MGMT: variants seen among roughly 807,000 people sequenced by gnomAD.
The protein encoded by MGMT is methylated-DNA--protein-cysteine methyltransferase.
In MGMT, 14 loss-of-function variants were observed where a neutral mutation model predicts 15.9. The observed-to-expected ratio is 0.88, with a 90% CI of 0.58 to 1.37. The LOEUF (loss-of-function observed/expected upper bound fraction) is 1.37. MGMT is among the 40% of genes most tolerant of loss of function. MGMT has a pLI of 0.00. For synonymous variants in MGMT, 130 were observed against 118.2 expected (o/e 1.10, Z -0.65); for missense variants, 282 against 268.1 (o/e 1.05, Z -0.36).
rs115126388 is a variant in MGMT, at chr10:129,683,781, A to G, written c.126-24114A>G. Among the ~76,000 whole-genome samples the G allele has an allele frequency of 9.2e-3, 1,406 of 152,310 alleles. 16 individuals carry two copies. The highest frequency in any genetic ancestry group is 0.031 in the African/African-American group (1,302 of 41,570). ...ACTTGAATGGTAATAATCTGCTCCT[A>G]TAATTGCTGTGGAAAAGGAAAGCCC... is the stretch of plus-strand genomic sequence containing the variant. On this transcript the variant is annotated intron_variant, in intron 2 of 4. Coordinates refer to ENST00000651593, the MANE Select transcript of MGMT (RefSeq NM_002412.5).
intron 2 of MGMT, among the ~76,000 whole-genome samples, chr10:129,600,683 C>G (rs1846810807): frequency 6.6e-6 from 1 of 152,136 alleles, no homozygotes; most frequent in African/African-American, 2.4e-5. Context: ...TCTTAGCACC[C>G]CCATAGGCTG....
intron 2 of MGMT, among the ~76,000 whole-genome samples, chr10:129,640,905 A>C (rs1257592005): frequency 6.6e-6 from 1 of 152,218 alleles, no homozygotes; most frequent in South Asian, 2.1e-4. Context: ...AAAGGAATCT[A>C]TCAAATACTT....
At chr10:129,653,614 T>C (rs536824459) in intron 2 of MGMT, among the ~76,000 whole-genome samples, 23 of 152,310 alleles carry the variant, frequency 1.5e-4, no homozygotes, top group African/African-American at 5.5e-4. Flanking sequence ...CCCTTGACTG[T>C]GGTCAGCACT....
intron 3 of MGMT, among the ~76,000 whole-genome samples, chr10:129,758,461 C>A (rs1848832282): frequency 1.3e-5 from 2 of 152,034 alleles, no homozygotes; most frequent in Admixed American, 1.3e-4. Flanking sequence ...GCCCCAGTTT[C>A]TCTCCCACCG....
At chr10:129,547,857 T>C (rs1159802469) in intron 2 of MGMT, among the ~76,000 whole-genome samples, 1 of 152,182 alleles carries the variant, frequency 6.6e-6, no homozygotes, top group Non-Finnish European at 1.5e-5. Context: ...AGATCTGCAC[T>C]GGTCAGGTGG....
At chr10:129,542,600 G>T (rs150567818) in intron 2 of MGMT, among the ~76,000 whole-genome samples, 6 of 152,236 alleles carry the variant, frequency 3.9e-5, no homozygotes, top group Admixed American at 2.0e-4. Context: ...CCTCAGTGCC[G>T]TGAAATAATG....
chr10:129,640,045 T>C (rs1180865337), intron 2 of MGMT, among the ~76,000 whole-genome samples: 1 of 150,450 alleles, frequency 6.6e-6, no homozygotes, highest in Non-Finnish European at 1.5e-5. Context: ...AAAAAGTGCA[T>C]AGCAGGACAG....
intron 2 of MGMT, among the ~76,000 whole-genome samples, chr10:129,593,081 C>T (rs1398754140): frequency 6.6e-6 from 1 of 152,176 alleles, no homozygotes; most frequent in Non-Finnish European, 1.5e-5. Flanking sequence ...ACTCTGCTTC[C>T]TTCTTGTGTA....
intron 3 of MGMT, among the ~76,000 whole-genome samples, chr10:129,731,356 C>CT (rs547636043): frequency 0.055 from 5,282 of 96,872 alleles, 109 homozygotes; most frequent in Non-Finnish European, 0.065. Flanking sequence ...AAACCTAAGA[C>CT]TTTTTTTTTT....
Position 129,561,559 on chromosome 10 carries a change from G to A in MGMT, c.125+25182G>A, listed in dbSNP as rs187311324. On this transcript the variant is annotated intron_variant, in intron 2 of 4. Transcript: ENST00000651593. ...CCATTCTAACGATTTTGTCAATTTC[G>A]GTGTCAAGGTGATATCTTGTCTGAT... Among the ~76,000 whole-genome samples, 332 of 152,172 alleles carry A rather than the reference G, an allele frequency of 2.2e-3. 2 individuals are homozygous for A. The highest frequency in any genetic ancestry group is 7.7e-3 in the African/African-American group (321 of 41,506).
At chr10:129,490,716 T>C (rs1203670088) in intron 1 of MGMT, among the ~76,000 whole-genome samples, 1 of 152,216 alleles carries the variant, frequency 6.6e-6, no homozygotes, top group African/African-American at 2.4e-5. Flanking sequence ...TTGAGCTTAC[T>C]TTTACCATCT....
intron 2 of MGMT, among the ~76,000 whole-genome samples, chr10:129,644,558 C>G (rs1431335738): frequency 6.6e-6 from 1 of 152,206 alleles, no homozygotes; most frequent in African/African-American, 2.4e-5. Flanking sequence ...TTGGGTTCCC[C>G]CCCTGAGGCC....
intron 1 of MGMT, among the ~76,000 whole-genome samples, chr10:129,525,061 T>C (rs1845854535): frequency 6.6e-6 from 1 of 152,166 alleles, no homozygotes; most frequent in Non-Finnish European, 1.5e-5. Flanking sequence ...TTTGGAGCAA[T>C]TTGTTAAAAC....
chr10:129,676,738 AT>A (rs1432514282), intron 2 of MGMT, among the ~76,000 whole-genome samples: 1 of 152,232 alleles, frequency 6.6e-6, no homozygotes, highest in African/African-American at 2.4e-5. Flanking sequence ...TTTCTATCTC[AT>A]TGGGAATTTC....
chr10:129,580,249 G>A (rs1379805265), intron 2 of MGMT, among the ~76,000 whole-genome samples: 4 of 152,222 alleles, frequency 2.6e-5, no homozygotes, highest in Non-Finnish European at 4.4e-5. Flanking sequence ...TCAGGGGGAT[G>A]CGCGGGAGCC....
intron 2 of MGMT, among the ~76,000 whole-genome samples, chr10:129,593,412 A>ACAGTGTGGCCGGCATCTGGTCAGGACTT (rs1846712852): frequency 6.6e-6 from 1 of 152,196 alleles, no homozygotes; most frequent in Non-Finnish European, 1.5e-5. Context: ...TCTCTTGAGC[A>ACAGTGTGGCCGGCATCTGGTCAGGACTT]CAGTGTGGCC....
At chr10:129,754,412 C>T (rs188152116) in intron 3 of MGMT, among the ~76,000 whole-genome samples, 2 of 152,246 alleles carry the variant, frequency 1.3e-5, no homozygotes, top group East Asian at 3.9e-4. Flanking sequence ...ACACCTCTTC[C>T]CATCAGAAAG....
At chr10:129,520,947 G>T (rs975629323) in intron 1 of MGMT, among the ~76,000 whole-genome samples, 13 of 151,842 alleles carry the variant, frequency 8.6e-5, no homozygotes, top group African/African-American at 3.1e-4. Flanking sequence ...AGCCCCTAAG[G>T]TGTGCCTACA....
chr10:129,665,168 C>G (rs1404752124), intron 2 of MGMT, among the ~76,000 whole-genome samples: 3 of 147,092 alleles, frequency 2.0e-5, no homozygotes, highest in Non-Finnish European at 4.5e-5. Flanking sequence ...CACTCTCTCT[C>G]TCTTCACCCA....
Sources: gnomAD v4.1 joint callset for allele counts (sites outside exome capture counted in the v4.1 genomes callset) on GRCh38, gnomAD v4.1.1 for gene constraint, MANE v1.5 for transcripts, NCBI Gene and HGNC (gene_info 2026-07-23, HGNC 2026-07-21) for gene names.